The following UST variants were observed in gnomAD, a reference collection of about 807,000 sequenced individuals.
UST encodes the protein chondroitin sulfate 2-O-sulfotransferase.
Under a neutral mutation model 45.6 loss-of-function variants are expected in UST, and 21 were observed. The ratio of observed to expected loss-of-function variants is 0.46; its 90% CI spans 0.33 to 0.66. The LOEUF is 0.66. Ranked by LOEUF, UST falls within the 30% of genes least tolerant of loss-of-function variation. The probability of loss-of-function intolerance (pLI) is 0.02; values close to 1 mark genes in which losing one functional copy is unlikely to be tolerated. For synonymous variants in UST, 215 were observed against 200.6 expected (o/e 1.07, Z -0.61); for missense variants, 463 against 512.4 (o/e 0.90, Z 0.93).
At chr6:148,920,090 A>G (rs1011754891) in intron 2 of UST, among the ~76,000 whole-genome samples, 4 of 152,180 alleles carry the variant, frequency 2.6e-5, no homozygotes, top group Non-Finnish European at 5.9e-5. Context: ...TTGATTCCTT[A>G]CAGCTCAGCT....
intron 2 of UST, among the ~76,000 whole-genome samples, chr6:148,902,744 A>G (rs1779284731): frequency 1.3e-5 from 2 of 151,974 alleles, no homozygotes; most frequent in Non-Finnish European, 2.9e-5. Context: ...GACCTCCAGG[A>G]GTAGTTGTCT....
chr6:148,964,277 C>T (rs1217662674), intron 4 of UST, 133 bp from the exon 5 acceptor site: 7 of 1,034,170 alleles, frequency 6.8e-6, no homozygotes, highest in South Asian at 1.6e-5. Context: ...TTGCTTATTA[C>T]GTGTCATTGG....
chr6:149,072,443 C>T (rs1306738727), intron 7 of UST, among the ~76,000 whole-genome samples: 4 of 152,046 alleles, frequency 2.6e-5, no homozygotes, highest in Non-Finnish European at 4.4e-5. Context: ...CACCTGAGGT[C>T]GGGAATTCGA....
At chr6:148,845,406 TGATATGTAAA>T (rs1315766213) in intron 1 of UST, among the ~76,000 whole-genome samples, 11 of 152,244 alleles carry the variant, frequency 7.2e-5, no homozygotes, top group Non-Finnish European at 1.0e-4. Flanking sequence ...ATCCGTGTTG[TGATATGTAAA>T]GATATCCACT....
At chr6:148,816,184 G>T (rs1339354722) in intron 1 of UST, among the ~76,000 whole-genome samples, 2 of 152,216 alleles carry the variant, frequency 1.3e-5, no homozygotes, top group Non-Finnish European at 2.9e-5. Context: ...ATTCTCAGAT[G>T]TCAAGAAAAG....
At chr6:148,798,224 G>C (rs1776987441) in intron 1 of UST, among the ~76,000 whole-genome samples, 1 of 152,184 alleles carries the variant, frequency 6.6e-6, no homozygotes, top group African/African-American at 2.4e-5. Flanking sequence ...GTGGACTCAG[G>C]GTGAGTCTAA....
intron 4 of UST, among the ~76,000 whole-genome samples, chr6:148,954,342 G>A (rs377624864): frequency 1.3e-5 from 2 of 152,288 alleles, no homozygotes; most frequent in African/African-American, 4.8e-5. Flanking sequence ...CTAGAGTAAT[G>A]AGTATTTTCT....
intron 5 of UST, among the ~76,000 whole-genome samples, chr6:149,002,146 AT>A (rs1781562023): frequency 2.7e-5 from 4 of 147,004 alleles, no homozygotes; most frequent in Non-Finnish European, 3.0e-5. Flanking sequence ...TTGAAAAAAA[AT>A]CTTACAATGT....
chr6:148,912,738 C>G (rs1779500237), intron 2 of UST, among the ~76,000 whole-genome samples: 2 of 152,204 alleles, frequency 1.3e-5, no homozygotes, highest in African/African-American at 4.8e-5. Flanking sequence ...ATGAAACGCC[C>G]TCTGATGAGC....
intron 7 of UST, among the ~76,000 whole-genome samples, chr6:149,032,374 T>C (rs950955613): frequency 2.6e-5 from 4 of 152,078 alleles, no homozygotes; most frequent in Non-Finnish European, 4.4e-5. Flanking sequence ...CCACCACCCT[T>C]CAGACCCGGG....
At chr6:148,806,017 A>C (rs1181812576) in intron 1 of UST, among the ~76,000 whole-genome samples, 2 of 152,152 alleles carry the variant, frequency 1.3e-5, no homozygotes, top group Non-Finnish European at 2.9e-5. Flanking sequence ...TCAGCTTTAC[A>C]GGAACTGGGA....
intron 1 of UST, among the ~76,000 whole-genome samples, chr6:148,828,087 T>G (rs544723287): frequency 3.9e-4 from 59 of 152,208 alleles, no homozygotes; most frequent in African/African-American, 1.3e-3. Context: ...TATACGTAAT[T>G]TGACAGAAGT....
In UST at chr6:149,040,853, G is replaced by A. The variant is rs113353321; in HGVS notation, c.937+19372G>A. Among the ~76,000 whole-genome samples, 870 of 152,176 alleles carry A rather than the reference G, an allele frequency of 5.7e-3. 8 individuals carry two copies. The highest frequency in any genetic ancestry group is 0.02 in the African/African-American group (844 of 41,498). ...CCAAGGCCTCTCCTTACTGGTTTCTGTTTCCATGATCTGAATGCATTTTCT... is the reference window on the plus strand; with the variant it reads ...CCAAGGCCTCTCCTTACTGGTTTCTATTTCCATGATCTGAATGCATTTTCT... On this transcript the variant is annotated intron_variant, in intron 7 of 7. Transcript: ENST00000367463.
chr6:148,901,449 G>A (rs1248196719), intron 2 of UST, among the ~76,000 whole-genome samples: 3 of 151,900 alleles, frequency 2.0e-5, no homozygotes, highest in African/African-American at 4.8e-5. Context: ...TGGCATTACC[G>A]TCTCAACACA....
intron 7 of UST, among the ~76,000 whole-genome samples, chr6:149,051,141 T>A (rs1776478316): frequency 6.6e-6 from 1 of 152,226 alleles, no homozygotes; most frequent in South Asian, 2.1e-4. Flanking sequence ...CAGACCAGCA[T>A]CGACCAGAAG....
chr6:148,904,444 A>T (rs1235733833), intron 2 of UST, among the ~76,000 whole-genome samples: 1 of 152,110 alleles, frequency 6.6e-6, no homozygotes, highest in Non-Finnish European at 1.5e-5. Flanking sequence ...TATTTTATAT[A>T]TATAATAAAA....
In UST at chr6:149,059,446, C is replaced by T. The variant is rs149394165; in HGVS notation, c.938-14387C>T. 2.4e-3 allele frequency among the ~76,000 whole-genome samples: 359 copies of T among 152,296 alleles called. 1 individual carries two copies. Among genetic ancestry groups the T allele is most frequent in the African/African-American group, 8.2e-3 (340 of 41,554 alleles). On this transcript the variant is annotated intron_variant, in intron 7 of 7. Transcript: ENST00000367463. ...CCATCAATGCCACCTCCTTGTGATCCCCCTTTCTCTCCCTCCTGTGGTGCC... is the reference window on the plus strand; with the variant it reads ...CCATCAATGCCACCTCCTTGTGATCTCCCTTTCTCTCCCTCCTGTGGTGCC...
At chr6:148,807,608 A>G (rs72999152) in intron 1 of UST, among the ~76,000 whole-genome samples, 1,604 of 152,244 alleles carry the variant, frequency 0.011, 20 homozygotes, top group Admixed American at 0.021. Context: ...AAGATGAACT[A>G]TGCCAGGGGC....
chr6:149,059,974 A>T lies in UST; in HGVS notation c.938-13859A>T, dbSNP rs143905739. On this transcript the variant is annotated intron_variant, in intron 7 of 7. Coordinates refer to ENST00000367463, the MANE Select transcript of UST (RefSeq NM_005715.3). ...GGTCTTGGTGGGCCCTCAGCGACCT[A>T]CCCCACACAGACCAATACTTTCTCT... Among the ~76,000 whole-genome samples the T allele has an allele frequency of 5.3e-3, 801 of 151,378 alleles. 5 individuals carry two copies. Among genetic ancestry groups the T allele is most frequent in the African/African-American group, 0.019 (776 of 41,286 alleles).
Sources: allele counts gnomAD v4.1 joint callset (sites outside exome capture counted in the v4.1 genomes callset), GRCh38; gene constraint gnomAD v4.1.1; transcripts MANE v1.5; gene names NCBI Gene and HGNC (gene_info 2026-07-23, HGNC 2026-07-21).